Variants in RHCG observed in about 807,000 individuals in gnomAD.
RHCG encodes Rh family C glycoprotein.
A neutral mutation model predicts 55.3 loss-of-function variants in RHCG; 39 were observed. The ratio of observed to expected loss-of-function variants is 0.70; its 90% CI spans 0.55 to 0.92. The LOEUF is 0.92. Among genes scored for constraint, RHCG ranks in the 40% least tolerant of loss-of-function variants. RHCG has a pLI of 0.00. For missense variants in RHCG, 635 were observed against 627.9 expected, an observed-to-expected ratio of 1.01 and a Z score of -0.12; for synonymous variants, 250 against 246.8, an observed-to-expected ratio of 1.01 and a Z score of -0.12.
At chr15:89,485,706 AG>A (rs1332341003) in intron 2 of RHCG, among the ~76,000 whole-genome samples, 2 of 151,608 alleles carry the variant, frequency 1.3e-5, no homozygotes, top group Non-Finnish European at 2.9e-5. Flanking sequence ...TTTTTTCTTT[AG>A]CTGACCTTTT....
At chr15:89,488,904 A>T (rs1029009731) in intron 1 of RHCG, among the ~76,000 whole-genome samples, 6 of 152,124 alleles carry the variant, frequency 3.9e-5, no homozygotes, top group Non-Finnish European at 8.8e-5. Context: ...TATGAAGCTG[A>T]TTACTATGGT....
chr15:89,485,965 C>T (rs1392467003), intron 2 of RHCG, among the ~76,000 whole-genome samples: 1 of 152,092 alleles, frequency 6.6e-6, no homozygotes, highest in Non-Finnish European at 1.5e-5. Context: ...TATTTTATAA[C>T]CTGTTGGTGG....
chr15:89,486,599 A>AGAGTGTGT lies in RHCG; in HGVS notation c.371+199_371+200insACACACTC. On this transcript the variant is annotated intron_variant, in intron 2 of 10. Coordinates refer to ENST00000268122, the MANE Select transcript of RHCG (RefSeq NM_016321.3). Reference sequence around the variant, plus strand: ...GAGAGAGAGAGAGAGAGAGAGAGAGAGTGTGTGTGTGTGTGTGTGTGTGTG... The same window carrying AGAGTGTGT: ...GAGAGAGAGAGAGAGAGAGAGAGAGAGAGTGTGTGTGTGTGTGTGTGTGTGTGTGTGTG... The AGAGTGTGT allele has an allele frequency of 5.5e-3, 1,438 of 263,560 alleles. 16 individuals carry two copies. Among genetic ancestry groups the AGAGTGTGT allele is most frequent in the Middle Eastern group, 8.5e-3 (7 of 826 alleles). 16.3% of individuals were successfully genotyped at this position (263,560 alleles called of 1,614,324 possible). A position where few individuals can be genotyped will look rare whatever the true frequency, so the allele number is the denominator to read the frequency against.
Position 89,471,451 on chromosome 15 carries a change from GCA to G in RHCG, c.*427_*428del, listed in dbSNP as rs1961034555. The G allele has an allele frequency of 1.3e-5, 2 of 152,460 alleles. No homozygotes were observed. Among genetic ancestry groups the G allele is most frequent in the Non-Finnish European group, 1.5e-5 (1 of 68,232 alleles). The allele number at this position is 152,460 out of a possible 1,614,324, so 9.4% of individuals were successfully genotyped here. A position where few individuals can be genotyped will look rare whatever the true frequency, so the allele number is the denominator to read the frequency against. The stretch of plus-strand genomic sequence containing the variant: ...AATGTTTATTCCTGGAGGCTGCCAC[GCA>G]CACAACACAGAGAGGTCTGGGGGAC... On this transcript the variant is annotated 3_prime_UTR_variant, in exon 11 of 11. Coordinates refer to ENST00000268122, the MANE Select transcript of RHCG (RefSeq NM_016321.3).
At chr15:89,495,404 A>G (rs1478648406) in intron 1 of RHCG, among the ~76,000 whole-genome samples, 1 of 152,216 alleles carries the variant, frequency 6.6e-6, no homozygotes, top group Non-Finnish European at 1.5e-5. Context: ...TCCCTTTCAA[A>G]GCTAACAGTC....
Position 89,471,479 on chromosome 15 carries a change from C to G in RHCG, c.*401G>C, listed in dbSNP as rs931111068. Reference sequence around the variant, plus strand: ...CACAACACAGAGAGGTCTGGGGGACCCAGGGAGCATAGGAGATGCTGGCCG... The same window carrying G: ...CACAACACAGAGAGGTCTGGGGGACGCAGGGAGCATAGGAGATGCTGGCCG... On this transcript the variant is annotated 3_prime_UTR_variant, in exon 11 of 11. Transcript: ENST00000268122. 1 of 152,486 alleles carries G rather than the reference C, an allele frequency of 6.6e-6. No individual in the cohort carries two copies. The highest frequency in any genetic ancestry group is 2.4e-5 in the African/African-American group (1 of 41,464). The allele number at this position is 152,486 out of a possible 1,614,324, so 9.4% of individuals were successfully genotyped here.
At chr15:89,493,184 T>C (rs1450758729) in intron 1 of RHCG, among the ~76,000 whole-genome samples, 1 of 152,196 alleles carries the variant, frequency 6.6e-6, no homozygotes, top group East Asian at 1.9e-4. Flanking sequence ...CCCTGGGTCA[T>C]CTCCCGAAAT....
Position 89,479,421 on chromosome 15 carries a change from C to A in RHCG, c.738G>T (p.Gln246His). The A allele has an allele frequency of 6.2e-7, 1 of 1,614,122 alleles. No homozygotes were observed. The highest frequency in any genetic ancestry group is 8.5e-7 in the Non-Finnish European group (1 of 1,180,006). Residue 246 changes from glutamine (Q) to histidine (H), a missense_variant, in exon 5 of 11, where the codon CAG (glutamine) becomes CAT (histidine). Transcript: ENST00000268122. ...NSAISYHGDS[Q>H]HRAAINTYCS... Reference sequence around the variant, plus strand: ...AGTAGGTGTTGATGGCGGCTCGGTGCTGGCTGTCCCCATGGTAGGATATGG... The same window carrying A: ...AGTAGGTGTTGATGGCGGCTCGGTGATGGCTGTCCCCATGGTAGGATATGG...
chr15:89,479,957 C>T (rs1031795025), intron 4 of RHCG, among the ~76,000 whole-genome samples: 1 of 152,228 alleles, frequency 6.6e-6, no homozygotes, highest in Admixed American at 6.5e-5. Flanking sequence ...GAGTGAGCAG[C>T]TCCTGGTTAC....
intron 1 of RHCG, among the ~76,000 whole-genome samples, chr15:89,495,252 G>A (rs932928835): frequency 2.6e-5 from 4 of 152,158 alleles, no homozygotes; most frequent in African/African-American, 9.7e-5. Context: ...CCCCCCAAAC[G>A]CAGTCTTTTT....
chr15:89,490,177 C>T (rs557899952), intron 1 of RHCG, among the ~76,000 whole-genome samples: 4 of 152,338 alleles, frequency 2.6e-5, no homozygotes, highest in African/African-American at 9.6e-5. Context: ...GCAGCCTGGC[C>T]AAGGCTGCAG....
intron 1 of RHCG, among the ~76,000 whole-genome samples, chr15:89,494,229 A>G (rs1961526459): frequency 6.6e-6 from 1 of 152,028 alleles, no homozygotes; most frequent in African/African-American, 2.4e-5. Context: ...GCCATCACAG[A>G]TCACTTCTGC....
chr15:89,478,121 C>A lies in RHCG; in HGVS notation c.838-147G>T, dbSNP rs533121982. On this transcript the variant is annotated intron_variant, in intron 5 of 10. Coordinates refer to ENST00000268122, the MANE Select transcript of RHCG (RefSeq NM_016321.3). ...GGAGTTCACCTCAGCAAGCCAGGAGCCTGCAGAGGACTTCAGCCCCACCCA... is the reference window on the plus strand; with the variant it reads ...GGAGTTCACCTCAGCAAGCCAGGAGACTGCAGAGGACTTCAGCCCCACCCA... The A allele has an allele frequency of 1.2e-5, 13 of 1,054,370 alleles. No homozygotes were observed. In the African/African-American group the frequency reaches 1.5e-4, roughly 12 times the overall value. The allele number at this position is 1,054,370 out of a possible 1,614,324, so 65.3% of individuals were successfully genotyped here. A position where few individuals can be genotyped will look rare whatever the true frequency, so the allele number is the denominator to read the frequency against.
At chr15:89,486,599 A>AGAGAGTGTGT in intron 2 of RHCG, 200 bp downstream of exon 2, 313 of 264,234 alleles carry the variant, frequency 1.2e-3, no homozygotes, top group African/African-American at 1.6e-3. Context: ...AGAGAGAGAG[A>AGAGAGTGTGT]GTGTGTGTGT....
chr15:89,488,028 C>G (rs907175060), intron 1 of RHCG, among the ~76,000 whole-genome samples: 7 of 152,156 alleles, frequency 4.6e-5, no homozygotes, highest in Admixed American at 6.5e-5. Context: ...TAACAGAAGA[C>G]AAAGAGCTTT....
chr15:89,496,126 G>T (rs757402894), intron 1 of RHCG, among the ~76,000 whole-genome samples: 1 of 152,214 alleles, frequency 6.6e-6, no homozygotes, highest in Non-Finnish European at 1.5e-5. Context: ...TGACGGCTGG[G>T]AGGGCGGTCA....
chr15:89,491,827 G>A (rs183275731), intron 1 of RHCG, among the ~76,000 whole-genome samples: 22 of 152,130 alleles, frequency 1.4e-4, no homozygotes, highest in Admixed American at 5.9e-4. Context: ...GGTCCAAACC[G>A]TATGGACCTT....
At chr15:89,479,300 C>T (rs768258288) in intron 5 of RHCG, 22 bp downstream of exon 5, 8 of 1,603,250 alleles carry the variant, frequency 5.0e-6, no homozygotes, top group South Asian at 1.1e-5. Flanking sequence ...CAGAGCCACA[C>T]CCCCAACGCC....
Position 89,496,411 on chromosome 15 carries a change from G to C in RHCG, c.134C>G (p.Thr45Arg). Residue 45 changes from threonine to arginine, a missense_variant, in exon 1 of 11, where the codon ACG becomes AGG. Coordinates refer to ENST00000268122, the MANE Select transcript of RHCG (RefSeq NM_016321.3). Reference sequence around the variant, plus strand: ...CTCCATGTCGCTCAAGTTCTTGTGCGTCCTCTCTGACCACCAGTGGGCGTC... The same window carrying C: ...CTCCATGTCGCTCAAGTTCTTGTGCCTCCTCTCTGACCACCAGTGGGCGTC... ...EADAHWWSER[T>R]HKNLSDMENE... 6.2e-7 allele frequency: 1 copy of C among 1,614,030 alleles called. No homozygotes were observed.
Sources: allele counts gnomAD v4.1 joint callset (sites outside exome capture counted in the v4.1 genomes callset), GRCh38; gene constraint gnomAD v4.1.1; transcripts MANE v1.5; gene names NCBI Gene and HGNC (gene_info 2026-07-23, HGNC 2026-07-21).